Variants in DOCK4 observed in about 807,000 individuals in gnomAD.
The protein encoded by DOCK4 is dedicator of cytokinesis 4.
Under a neutral mutation model 268.1 loss-of-function variants are expected in DOCK4, and 97 were observed. That is an observed-to-expected ratio of 0.36 (90% CI 0.31 to 0.43). The LOEUF (loss-of-function observed/expected upper bound fraction) is 0.43, where lower values mean the gene tolerates loss of function less well. Among genes scored for constraint, DOCK4 ranks in the 20% least tolerant of loss-of-function variants. DOCK4 has a pLI of 1.00. For missense variants in DOCK4, 2,145 were observed against 2,455.7 expected, an observed-to-expected ratio of 0.87 and a Z score of 2.67; for synonymous variants, 954 against 887.2, an observed-to-expected ratio of 1.08 and a Z score of -1.34.
intron 1 of DOCK4, among the ~76,000 whole-genome samples, chr7:112,133,671 G>C (rs1044598926): frequency 2.0e-5 from 3 of 152,136 alleles, no homozygotes; most frequent in Non-Finnish European, 4.4e-5. Flanking sequence ...AGTGAGCCGA[G>C]ATGGCACCAC....
At position 111,895,668 on chromosome 7, in the gene DOCK4, T is replaced by A; in HGVS notation, c.1531A>T (p.Met511Leu). 1 of 1,613,986 alleles carries A rather than the reference T, an allele frequency of 6.2e-7. No homozygotes were observed. The highest frequency in any genetic ancestry group is 1.7e-4 in the Middle Eastern group (1 of 6,060). The change falls in exon 16 of 53, where the codon ATG becomes TTG. Residue 511 changes from methionine to leucine, a missense_variant. By Grantham distance (15) the Met-to-Leu change is conservative. Coordinates refer to ENST00000428084, the MANE Select transcript of DOCK4 (RefSeq NM_001363540.2). ...KLFGFSFVPL[M>L]QEDGRTLPDG... ...GGAAGAGTCCTACCATCTTCTTGCA[T>A]CAGAGGGACAAAAGAAAACCCAAAC...
At chr7:112,103,577 T>C (rs1810875559) in intron 1 of DOCK4, among the ~76,000 whole-genome samples, 1 of 152,218 alleles carries the variant, frequency 6.6e-6, no homozygotes, top group African/African-American at 2.4e-5. Flanking sequence ...ATGATCTATA[T>C]AGAATTTTAA....
chr7:112,202,048 C>T (rs1300319028), intron 1 of DOCK4, among the ~76,000 whole-genome samples: 1 of 152,118 alleles, frequency 6.6e-6, no homozygotes, highest in Non-Finnish European at 1.5e-5. Flanking sequence ...TATAATATTC[C>T]ATTGTGTATA....
chr7:112,177,573 T>C (rs1818641753), intron 1 of DOCK4, among the ~76,000 whole-genome samples: 1 of 152,158 alleles, frequency 6.6e-6, no homozygotes, highest in African/African-American at 2.4e-5. Flanking sequence ...CACACCAACA[T>C]AGCCTGAGTT....
intron 42 of DOCK4, 101 bp from the exon 43 acceptor site, chr7:111,747,544 G>A: frequency 1.7e-6 from 2 of 1,193,822 alleles, no homozygotes; most frequent in Non-Finnish European, 2.3e-6. Flanking sequence ...CTCCCCCTTG[G>A]CTTCCATCAA....
intron 28 of DOCK4, 26 bp from the exon 29 acceptor site, chr7:111,809,427 T>C (rs1800916131): frequency 6.6e-7 from 1 of 1,513,556 alleles, no homozygotes; most frequent in African/African-American, 1.4e-5. Context: ...GATATATCAA[T>C]ACTATGGTGT....
intron 35 of DOCK4, among the ~76,000 whole-genome samples, chr7:111,782,403 G>A (rs1325167365): frequency 6.6e-6 from 1 of 152,116 alleles, no homozygotes; most frequent in Admixed American, 6.6e-5. Flanking sequence ...ATAGAAAACT[G>A]TCATTTGTTC....
intron 1 of DOCK4, among the ~76,000 whole-genome samples, chr7:112,099,615 TTGAC>T (rs1197361898): frequency 6.6e-6 from 1 of 152,214 alleles, no homozygotes; most frequent in Non-Finnish European, 1.5e-5. Context: ...GATAAGTTGA[TTGAC>T]TGAATTCATG....
At chr7:112,053,818 T>C (rs1805578021) in intron 1 of DOCK4, among the ~76,000 whole-genome samples, 1 of 152,168 alleles carries the variant, frequency 6.6e-6, no homozygotes. Flanking sequence ...CGCTGGGACC[T>C]TACCTAAGCA....
chr7:112,137,354 A>C (rs1443627392), intron 1 of DOCK4, among the ~76,000 whole-genome samples: 1 of 152,176 alleles, frequency 6.6e-6, no homozygotes, highest in Non-Finnish European at 1.5e-5. Context: ...GCTATGCGTC[A>C]AGGCCTCTGT....
At chr7:111,973,819 A>G (rs1450423788) in intron 8 of DOCK4, among the ~76,000 whole-genome samples, 1 of 152,194 alleles carries the variant, frequency 6.6e-6, no homozygotes, top group Non-Finnish European at 1.5e-5. Context: ...GGTGGAGGGT[A>G]CATAAGGGTT....
chr7:111,986,306 A>C (rs1287954099), intron 6 of DOCK4, among the ~76,000 whole-genome samples: 1 of 152,210 alleles, frequency 6.6e-6, no homozygotes, highest in Admixed American at 6.5e-5. Flanking sequence ...CTGCAGAATG[A>C]GTGCAGAAAT....
chr7:111,873,673 A>G lies in DOCK4; in HGVS notation c.1745-1109T>C, dbSNP rs538494843. ...AGTAGGTAAGATGAGAAAGAAAAAG[A>G]GAATATAGAGAACACCAGTGAGAAA... On this transcript the variant is annotated intron_variant, in intron 17 of 52. Coordinates refer to ENST00000428084, the MANE Select transcript of DOCK4 (RefSeq NM_001363540.2). Among the ~76,000 whole-genome samples the G allele has an allele frequency of 4.6e-5, 7 of 152,334 alleles. No individual in the cohort carries two copies. The South Asian group carries it at 8.3e-4, about 18-fold the overall frequency.
chr7:111,890,984 G>A (rs1423619923), intron 16 of DOCK4, among the ~76,000 whole-genome samples: 2 of 151,856 alleles, frequency 1.3e-5, no homozygotes, highest in African/African-American at 4.8e-5. Flanking sequence ...GACATCATGG[G>A]CAGTACCTGC....
intron 7 of DOCK4, among the ~76,000 whole-genome samples, chr7:111,982,534 T>C (rs893039296): frequency 6.6e-6 from 1 of 152,226 alleles, no homozygotes; most frequent in African/African-American, 2.4e-5. Flanking sequence ...TCTTATCTAA[T>C]CTTCATAATA....
chr7:112,050,041 G>A (rs1805206366), intron 1 of DOCK4, among the ~76,000 whole-genome samples: 1 of 152,038 alleles, frequency 6.6e-6, no homozygotes, highest in African/African-American at 2.4e-5. Flanking sequence ...AATTTAAGAG[G>A]ATCTGTCTCA....
At chr7:112,189,746 GTTTTTTTTTTTTT>G (rs57399750) in intron 1 of DOCK4, among the ~76,000 whole-genome samples, 1 of 95,776 alleles carries the variant, frequency 1.0e-5, no homozygotes, top group Admixed American at 1.3e-4. Context: ...TCTGGGTTTT[GTTTTTTTTTTTTT>G]TTTTTTTTGA....
intron 1 of DOCK4, among the ~76,000 whole-genome samples, chr7:112,132,259 A>C (rs73436678): frequency 0.02 from 3,069 of 152,178 alleles, 102 homozygotes; most frequent in African/African-American, 0.068. Context: ...GAAGAGGTTT[A>C]AGTCACACTG....
At chr7:111,824,570 T>C (rs1802254198) in intron 26 of DOCK4, among the ~76,000 whole-genome samples, 1 of 152,086 alleles carries the variant, frequency 6.6e-6, no homozygotes, top group African/African-American at 2.4e-5. Flanking sequence ...GTGGTGTGTA[T>C]GTATGTGTGT....
Sources: allele counts gnomAD v4.1 joint callset (sites outside exome capture counted in the v4.1 genomes callset), GRCh38; gene constraint gnomAD v4.1.1; transcripts MANE v1.5; gene names NCBI Gene and HGNC (gene_info 2026-07-23, HGNC 2026-07-21).